THEMIS: variants seen among roughly 807,000 people sequenced by gnomAD.
THEMIS encodes protein THEMIS.
Under a neutral mutation model 52.6 loss-of-function variants are expected in THEMIS, and 37 were observed. That is an observed-to-expected ratio of 0.70 (90% CI 0.54 to 0.93). The LOEUF (loss-of-function observed/expected upper bound fraction) is 0.93, where lower values mean the gene tolerates loss of function less well. THEMIS is among the 40% of genes least tolerant of loss of function. The probability of loss-of-function intolerance (pLI) is 0.00; values close to 1 mark genes in which losing one functional copy is unlikely to be tolerated. For synonymous variants in THEMIS, 292 were observed against 272.7 expected, an observed-to-expected ratio of 1.07 and a Z score of -0.70; for missense variants, 808 against 763.1, an observed-to-expected ratio of 1.06 and a Z score of -0.69.
chr6:127,797,826 G>T (rs1777381623), intron 4 of THEMIS, among the ~76,000 whole-genome samples: 1 of 152,206 alleles, frequency 6.6e-6, no homozygotes, highest in African/African-American at 2.4e-5. Flanking sequence ...CTTGCTCCTT[G>T]CTTCCAAGAT....
intron 1 of THEMIS, among the ~76,000 whole-genome samples, chr6:127,911,333 T>G (rs937365512): frequency 1.3e-5 from 2 of 150,924 alleles, no homozygotes; most frequent in Non-Finnish European, 2.9e-5. Context: ...AAAGGAGATA[T>G]TTCTGTCTTC....
Position 127,908,715 on chromosome 6 carries a change from T to C in THEMIS, c.-149-7634A>G, listed in dbSNP as rs1359152776. 3.9e-5 allele frequency among the ~76,000 whole-genome samples: 6 copies of C among 152,142 alleles called. No homozygotes were observed. The East Asian group carries it at 1.2e-3, about 29-fold the overall frequency. ...GTCCTGTGATGTAACTCTAACATTT[T>C]CCTCTGACTTTTATATAGCATTTGT... On this transcript the variant is annotated intron_variant, in intron 1 of 6. Coordinates refer to the THEMIS transcript ENST00000368250.
chr6:127,771,210 G>T (rs1203400707), intron 4 of THEMIS, among the ~76,000 whole-genome samples: 1 of 151,994 alleles, frequency 6.6e-6, no homozygotes, highest in Non-Finnish European at 1.5e-5. Flanking sequence ...AACTTACAAG[G>T]GATGTGAAGA....
chr6:127,804,836 G>A (rs143296132), intron 4 of THEMIS, among the ~76,000 whole-genome samples: 1 of 152,136 alleles, frequency 6.6e-6, no homozygotes, highest in Non-Finnish European at 1.5e-5. Flanking sequence ...ACTTTTAAAA[G>A]CATTTGATAA....
At chr6:127,785,017 TCTATCTAC>T (rs982774615) in intron 4 of THEMIS, among the ~76,000 whole-genome samples, 11 of 144,962 alleles carry the variant, frequency 7.6e-5, no homozygotes, top group African/African-American at 2.8e-4. Flanking sequence ...TATCTATCTA[TCTATCTAC>T]CTATCAATAT....
At chr6:127,861,858 G>C (rs1227766266) in intron 1 of THEMIS, among the ~76,000 whole-genome samples, 1 of 150,886 alleles carries the variant, frequency 6.6e-6, no homozygotes, top group East Asian at 1.9e-4. Context: ...GAGAGTAAAG[G>C]CTTAAAATTT....
intron 1 of THEMIS, among the ~76,000 whole-genome samples, chr6:127,886,121 T>A (rs1780637062): frequency 6.6e-6 from 1 of 152,130 alleles, no homozygotes; most frequent in African/African-American, 2.4e-5. Flanking sequence ...AACATTTTGG[T>A]AAAGAGGTTT....
At chr6:127,786,063 C>A (rs114064601) in intron 4 of THEMIS, among the ~76,000 whole-genome samples, 2,756 of 152,158 alleles carry the variant, frequency 0.018, 107 homozygotes, top group African/African-American at 0.063. Flanking sequence ...ACATTAATGA[C>A]TTTGATAGCT....
intron 5 of THEMIS, among the ~76,000 whole-genome samples, chr6:127,717,001 T>C (rs886413362): frequency 6.6e-6 from 1 of 151,774 alleles, no homozygotes; most frequent in Non-Finnish European, 1.5e-5. Flanking sequence ...AGGCAAAAAA[T>C]GCAGACAGAA....
chr6:127,775,773 G>T (rs189269577), intron 4 of THEMIS, among the ~76,000 whole-genome samples: 9 of 152,072 alleles, frequency 5.9e-5, no homozygotes, highest in Admixed American at 3.9e-4. Context: ...TAAGCATAAT[G>T]CTTTTGAGAG....
At chr6:127,912,194 G>A (rs1781428240) in intron 1 of THEMIS, among the ~76,000 whole-genome samples, 1 of 152,142 alleles carries the variant, frequency 6.6e-6, no homozygotes. Context: ...TTGGATTTTA[G>A]ACTTGCATGA....
At chr6:127,727,083 C>T (rs1216746453) in intron 4 of THEMIS, among the ~76,000 whole-genome samples, 1 of 152,158 alleles carries the variant, frequency 6.6e-6, no homozygotes, top group Non-Finnish European at 1.5e-5. Context: ...TGGCAAGTGC[C>T]TCCTCTTCAA....
upstream of THEMIS, among the ~76,000 whole-genome samples, chr6:127,903,749 A>AG (rs1554249208): frequency 6.6e-6 from 1 of 151,654 alleles, no homozygotes; most frequent in African/African-American, 2.4e-5. Flanking sequence ...AAAAAAAAAA[A>AG]GCACATCCTT....
At chr6:127,858,793 A>G (rs951961278) in intron 1 of THEMIS, among the ~76,000 whole-genome samples, 1 of 152,136 alleles carries the variant, frequency 6.6e-6, no homozygotes, top group Non-Finnish European at 1.5e-5. Context: ...GACTGATTCT[A>G]TCCAAGTCAA....
chr6:127,891,258 C>A (rs1046690706), intron 1 of THEMIS, among the ~76,000 whole-genome samples: 1 of 151,946 alleles, frequency 6.6e-6, no homozygotes, highest in East Asian at 1.9e-4. Flanking sequence ...CGGCCAGGCG[C>A]GGTGGCTCAC....
chr6:127,819,254 TA>T (rs1778251496), intron 3 of THEMIS, among the ~76,000 whole-genome samples: 1 of 149,800 alleles, frequency 6.7e-6, no homozygotes, highest in Non-Finnish European at 1.5e-5. Flanking sequence ...ATATGTCAAT[TA>T]AAAACTTACC....
chr6:127,829,209 T>C (rs1387577199), intron 3 of THEMIS, among the ~76,000 whole-genome samples: 1 of 152,194 alleles, frequency 6.6e-6, no homozygotes, highest in Non-Finnish European at 1.5e-5. Flanking sequence ...AAAAATAAAT[T>C]AGTAGTTTGA....
chr6:127,900,116 A>G (rs949024949), intron 1 of THEMIS, among the ~76,000 whole-genome samples: 4 of 151,718 alleles, frequency 2.6e-5, no homozygotes, highest in Non-Finnish European at 4.4e-5. Context: ...AAATACACCT[A>G]CAGAATTATT....
chr6:127,783,427 T>C (rs1006981409), intron 4 of THEMIS, among the ~76,000 whole-genome samples: 1 of 151,982 alleles, frequency 6.6e-6, no homozygotes, highest in African/African-American at 2.4e-5. Context: ...CACAGCAAAA[T>C]AAACTATCAT....
Sources: gnomAD v4.1 joint callset for allele counts (sites outside exome capture counted in the v4.1 genomes callset) on GRCh38, gnomAD v4.1.1 for gene constraint, MANE v1.5 for transcripts, NCBI Gene and HGNC (gene_info 2026-07-23, HGNC 2026-07-21) for gene names.